Variants in RTF1 observed in about 807,000 individuals in gnomAD.
RTF1 encodes the protein RTF1 homolog, Paf1/RNA polymerase II complex component, also known as RNA polymerase-associated protein RTF1 homolog.
Under a neutral mutation model 95.7 loss-of-function variants are expected in RTF1, and 10 were observed. That is an observed-to-expected ratio of 0.10 (90% CI 0.06 to 0.18). RTF1 has a LOEUF of 0.18. Ranked by LOEUF, RTF1 falls within the 10% of genes least tolerant of loss-of-function variation. The pLI is 1.00. For missense variants in RTF1, 458 were observed against 875.6 expected, an observed-to-expected ratio of 0.52 and a Z score of 6.02; for synonymous variants, 305 against 311.8, an observed-to-expected ratio of 0.98 and a Z score of 0.23.
chr15:41,477,370 C>G, intron 13 of RTF1, 84 bp downstream of exon 13: 1 of 1,612,852 alleles, frequency 6.2e-7, no homozygotes, highest in Admixed American at 1.7e-5. Context: ...CTGTGCTGCA[C>G]TGACCCCATA....
intron 1 of RTF1, among the ~76,000 whole-genome samples, chr15:41,431,451 G>A (rs541635287): frequency 3.9e-5 from 6 of 151,950 alleles, no homozygotes; most frequent in Non-Finnish European, 8.8e-5. Context: ...TGCTGACCTC[G>A]TGATCCACCT....
At chr15:41,451,520 A>T (rs2050789563) in intron 2 of RTF1, among the ~76,000 whole-genome samples, 1 of 152,108 alleles carries the variant, frequency 6.6e-6, no homozygotes, top group Non-Finnish European at 1.5e-5. Context: ...CAGGTTCCTT[A>T]TGTCTTGATT....
At chr15:41,476,661 T>C in intron 12 of RTF1, 138 bp downstream of exon 12, 1 of 740,264 alleles carries the variant, frequency 1.4e-6, no homozygotes. Flanking sequence ...CAGTGTGTTC[T>C]TGGCACCTGG....
chr15:41,435,932 G>A (rs1178282187), intron 1 of RTF1, among the ~76,000 whole-genome samples: 1 of 152,156 alleles, frequency 6.6e-6, no homozygotes, highest in Non-Finnish European at 1.5e-5. Flanking sequence ...GATTCTGTCT[G>A]CCGAGGTTTG....
chr15:41,466,154 A>G lies in RTF1; in HGVS notation c.791A>G (p.Asn264Ser). Residue 264 changes from asparagine (N) to serine (S), a missense_variant, in exon 6 of 18, where the codon AAC (asparagine) becomes AGC (serine). Transcript: ENST00000389629. ...QIQESQVTSH[N>S]KERRSKRDEK... ...TTCCCTTCCTAGGTAACATCCCACA[A>G]CAAGGAACGGCGTTCCAAGCGGGAT... The G allele has an allele frequency of 1.9e-6, 3 of 1,580,520 alleles. No individual in the cohort carries two copies. The highest frequency in any genetic ancestry group is 1.2e-5 in the South Asian group (1 of 85,236).
intron 4 of RTF1, among the ~76,000 whole-genome samples, chr15:41,459,668 A>T (rs775340967): frequency 2.0e-4 from 31 of 152,208 alleles, no homozygotes; most frequent in Non-Finnish European, 4.0e-4. Flanking sequence ...TCTTCACAGG[A>T]TTCAAGACTT....
intron 1 of RTF1, among the ~76,000 whole-genome samples, chr15:41,417,550 G>A (rs1336977760): frequency 6.6e-6 from 1 of 152,210 alleles, no homozygotes; most frequent in Admixed American, 6.5e-5. Flanking sequence ...GCGGGGCAGG[G>A]ACCGGGCCGT....
At chr15:41,448,225 A>T (rs1379561238) in intron 2 of RTF1, among the ~76,000 whole-genome samples, 2 of 152,144 alleles carry the variant, frequency 1.3e-5, no homozygotes, top group Non-Finnish European at 2.9e-5. Flanking sequence ...TGAGAAAAAA[A>T]ATCTTTGGGA....
intron 14 of RTF1, 167 bp downstream of exon 14, chr15:41,477,682 T>C (rs2050948648): frequency 3.1e-6 from 2 of 650,278 alleles, no homozygotes; most frequent in South Asian, 1.9e-5. Flanking sequence ...TTATTCATAA[T>C]GAAAAGCAGC....
At chr15:41,435,051 C>G (rs577515640) in intron 1 of RTF1, among the ~76,000 whole-genome samples, 1 of 151,634 alleles carries the variant, frequency 6.6e-6, no homozygotes, top group Non-Finnish European at 1.5e-5. Context: ...ACCTCTGCCT[C>G]CTGGGTTCAA....
chr15:41,464,307 G>A (rs2140963931), intron 4 of RTF1, among the ~76,000 whole-genome samples: 1 of 150,264 alleles, frequency 6.7e-6, no homozygotes, highest in African/African-American at 2.5e-5. Flanking sequence ...CTGGAGTGCA[G>A]TGGCGCGATC....
chr15:41,474,513 G>C, intron 8 of RTF1, 107 bp from the exon 9 acceptor site: 1 of 822,938 alleles, frequency 1.2e-6, no homozygotes, highest in South Asian at 1.4e-5. Context: ...ACTCTACTCA[G>C]CACTCTATCA....
At chr15:41,478,384 G>T in intron 14 of RTF1, 164 bp from the exon 15 acceptor site, 1 of 618,946 alleles carries the variant, frequency 1.6e-6, no homozygotes, top group Non-Finnish European at 2.8e-6. Context: ...CTAGGCGACA[G>T]GGCGAGACTC....
chr15:41,471,142 T>C, intron 7 of RTF1, 30 bp from the exon 8 acceptor site: 1 of 1,557,974 alleles, frequency 6.4e-7, no homozygotes, highest in Non-Finnish European at 8.7e-7. Flanking sequence ...ATGATGAACA[T>C]TTTTTCCAGT....
intron 6 of RTF1, among the ~76,000 whole-genome samples, chr15:41,468,484 A>AT (rs980649581): frequency 1.7e-4 from 26 of 151,740 alleles, no homozygotes; most frequent in African/African-American, 5.8e-4. Flanking sequence ...CGCCCAGCTA[A>AT]TTTTTTGTAT....
chr15:41,461,789 G>A (rs1268564590), intron 4 of RTF1, among the ~76,000 whole-genome samples: 1 of 151,482 alleles, frequency 6.6e-6, no homozygotes, highest in Admixed American at 6.6e-5. Context: ...GTGCCCGCCG[G>A]CCTGGCTAAT....
At chr15:41,430,447 T>G (rs1375876747) in intron 1 of RTF1, among the ~76,000 whole-genome samples, 1 of 151,982 alleles carries the variant, frequency 6.6e-6, no homozygotes, top group Admixed American at 6.6e-5. Context: ...TCAATAAGAA[T>G]GTAAAGGACT....
At chr15:41,428,247 A>G in intron 1 of RTF1, among the ~76,000 whole-genome samples, 1 of 134,462 alleles carries the variant, frequency 7.4e-6, no homozygotes, top group African/African-American at 2.9e-5. Context: ...CTACTGCAAT[A>G]CTGATATCCC....
chr15:41,469,611 C>G (rs7180492), intron 6 of RTF1, among the ~76,000 whole-genome samples: 2 of 151,578 alleles, frequency 1.3e-5, no homozygotes, highest in Admixed American at 1.3e-4. Context: ...CTGCAACCTC[C>G]GCCTCCCGGG....
Sources: allele counts gnomAD v4.1 joint callset (sites outside exome capture counted in the v4.1 genomes callset), GRCh38; gene constraint gnomAD v4.1.1; transcripts MANE v1.5; gene names NCBI Gene and HGNC (gene_info 2026-07-23, HGNC 2026-07-21).